Variants in PCDHGA8 observed in about 807,000 individuals in gnomAD.
PCDHGA8 encodes the protein protocadherin gamma subfamily A, 8.
PCDHGA8 carries 45 observed loss-of-function variants against 59.2 expected under a neutral mutation model. The observed-to-expected ratio is 0.76, with a 90% CI of 0.60 to 0.98. PCDHGA8 has a LOEUF of 0.98. Among genes scored for constraint, PCDHGA8 ranks in the 50% least tolerant of loss-of-function variants. The pLI is 0.00. For missense variants in PCDHGA8, 1,257 were observed against 1,196.2 expected, an observed-to-expected ratio of 1.05 and a Z score of -0.75; for synonymous variants, 531 against 519.0, an observed-to-expected ratio of 1.02 and a Z score of -0.32.
In PCDHGA8 at chr5:141,491,607, T is replaced by G; in HGVS notation, c.2425-3200T>G. On this transcript the variant is annotated intron_variant, in intron 1 of 3. Coordinates refer to ENST00000398604, the MANE Select transcript of PCDHGA8 (RefSeq NM_032088.2). The surrounding 1 kb of genome is among the most constrained non-coding windows in gnomAD (Gnocchi z 6.9). ...CCTCGGACGGCAGTGACTTCACTTT[T>G]CTAAGACCCCTCAGCGTTCAGCAGC... 6.2e-7 allele frequency: 1 copy of G among 1,613,932 alleles called. No homozygotes were observed. The highest frequency in any genetic ancestry group is 1.1e-5 in the South Asian group (1 of 91,084).
chr5:141,408,277 C>T (rs367948897), intron 1 of PCDHGA8: 2 of 1,611,980 alleles, frequency 1.2e-6, no homozygotes, highest in African/African-American at 1.3e-5. Context: ...TGCCTTTGTT[C>T]TACCCCACCC....
intron 1 of PCDHGA8, chr5:141,423,755 G>T (rs1236551808): frequency 9.8e-6 from 5 of 512,508 alleles, no homozygotes; most frequent in Non-Finnish European, 1.3e-5. Flanking sequence ...CTGTTTGGGG[G>T]GGGGGTGGGG....
Position 141,447,603 on chromosome 5 carries a change from T to G in PCDHGA8, c.2425-47204T>G, listed in dbSNP as rs146950525. On this transcript the variant is annotated intron_variant, in intron 1 of 3. Transcript: ENST00000398604. ...ATACCTTAAACATCCTATAGAGTCC[T>G]TAGCATTTTAAAGTTGAAACCAACA... Among the ~76,000 whole-genome samples, 378 of 152,270 alleles carry G rather than the reference T, an allele frequency of 2.5e-3. 1 individual carries two copies. Among genetic ancestry groups the G allele is most frequent in the Non-Finnish European group, 4.5e-3 (309 of 68,030 alleles).
rs757157488 is a variant in PCDHGA8 at position 141,477,668 on chromosome 5, A to G, written c.2425-17139A>G. ...TTTCACAATAAATCGTGACAATGGC[A>G]TAGTGTCATCCTTAGTGCCCCTAGA... On this transcript the variant is annotated intron_variant, in intron 1 of 3. Coordinates refer to ENST00000398604, the MANE Select transcript of PCDHGA8 (RefSeq NM_032088.2). The surrounding 1 kb of genome is among the most constrained non-coding windows in gnomAD (Gnocchi z 4.9). 10 of 1,614,104 alleles carry G rather than the reference A, an allele frequency of 6.2e-6. No individual in the cohort carries two copies. Among genetic ancestry groups the G allele is most frequent in the Non-Finnish European group, 8.5e-6 (10 of 1,180,046 alleles).
In PCDHGA8 at chr5:141,491,721, C is replaced by T. The variant is rs761584159; in HGVS notation, c.2425-3086C>T. On this transcript the variant is annotated intron_variant, in intron 1 of 3. Transcript: ENST00000398604. The surrounding 1 kb of genome is among the most constrained non-coding windows in gnomAD (Gnocchi z 6.9). The stretch of plus-strand genomic sequence containing the variant: ...GCCAGGTGAGGGGCTCGGCGCCGCC[C>T]CGGGCGACCCCTGGGGGCGGCACTG... 3 of 1,607,250 alleles carry T rather than the reference C, an allele frequency of 1.9e-6. No homozygotes were observed. Among genetic ancestry groups the T allele is most frequent in the Admixed American group, 1.7e-5 (1 of 58,860 alleles).
Position 141,421,984 on chromosome 5 carries a change from C to G in PCDHGA8, c.2424+26747C>G, listed in dbSNP as rs201871921. On this transcript the variant is annotated intron_variant, in intron 1 of 3. Transcript: ENST00000398604. ...ACAGTCCGTATATCGCGTGAGTGTT[C>G]CAGAAAACATCAGCTCCGGAACTCG... 21 of 1,608,770 alleles carry G rather than the reference C, an allele frequency of 1.3e-5. No homozygotes were observed. In the Admixed American group the frequency reaches 2.4e-4, roughly 18 times the overall value.
chr5:141,481,781 G>A (rs957054361), intron 1 of PCDHGA8, among the ~76,000 whole-genome samples: 3 of 151,998 alleles, frequency 2.0e-5, no homozygotes, highest in Admixed American at 6.6e-5. Context: ...GTGAAACCCC[G>A]TCTCTACTAA....
rs758540898 is a variant in PCDHGA8 at position 141,400,450 on chromosome 5, A to G, written c.2424+5213A>G. The G allele has an allele frequency of 3.7e-6, 6 of 1,613,982 alleles. No homozygotes were observed. The African/African-American group carries it at 5.3e-5, about 14-fold the overall frequency. ...TGAGCAATTGAGTTCAGGACAAGAC[A>G]TACTTTGTGGTGATTCATCTGGGGC... On this transcript the variant is annotated intron_variant, in intron 1 of 3. Transcript: ENST00000398604.
In PCDHGA8 at chr5:141,419,638, C is replaced by T. The variant is rs191182165; in HGVS notation, c.2424+24401C>T. On this transcript the variant is annotated intron_variant, in intron 1 of 3. Coordinates refer to ENST00000398604, the MANE Select transcript of PCDHGA8 (RefSeq NM_032088.2). Reference sequence around the variant, plus strand: ...GCTACCTGGTGACCAAGGTGGTGGCCGTGGACGCGGACTCGGGGCACAATG... The same window carrying T: ...GCTACCTGGTGACCAAGGTGGTGGCTGTGGACGCGGACTCGGGGCACAATG... The T allele has an allele frequency of 4.9e-3, 7,979 of 1,612,456 alleles. 44 individuals are homozygous for T. Among genetic ancestry groups the T allele is most frequent in the Admixed American group, 9.5e-3 (568 of 60,000 alleles).
chr5:141,398,189 T>G (rs926901002), intron 1 of PCDHGA8: 3 of 1,482,238 alleles, frequency 2.0e-6, no homozygotes, highest in Middle Eastern at 2.3e-4. Context: ...TTTCTCTTCC[T>G]GCTGTCTTTG....
intron 1 of PCDHGA8, chr5:141,402,792 A>G (rs947158745): frequency 1.4e-5 from 14 of 1,008,956 alleles, no homozygotes; most frequent in Admixed American, 3.1e-5. Flanking sequence ...CTGCGGCTAC[A>G]CAAAACCCGG....
chr5:141,408,158 T>G lies in PCDHGA8; in HGVS notation c.2424+12921T>G, dbSNP rs1190245850. On this transcript the variant is annotated intron_variant, in intron 1 of 3. Coordinates refer to ENST00000398604, the MANE Select transcript of PCDHGA8 (RefSeq NM_032088.2). ...TCTTTTAGCGCGGTAGAGTGCACTTTCTCCAACTGGAAAAGCGGGGACCCA... is the reference window on the plus strand; with the variant it reads ...TCTTTTAGCGCGGTAGAGTGCACTTGCTCCAACTGGAAAAGCGGGGACCCA... The G allele has an allele frequency of 2.0e-6, 3 of 1,515,140 alleles. No individual in the cohort carries two copies. In the Admixed American group the frequency reaches 6.4e-5, roughly 32 times the overall value. The allele number at this position is 1,515,140 out of a possible 1,614,324, so 93.9% of individuals were successfully genotyped here.
At chr5:141,403,390 G>A in intron 1 of PCDHGA8, 1 of 1,614,038 alleles carries the variant, frequency 6.2e-7, no homozygotes, top group Non-Finnish European at 8.5e-7. Context: ...ACGAAATCGC[G>A]GTTCCTGGAG....
intron 1 of PCDHGA8, among the ~76,000 whole-genome samples, chr5:141,456,917 C>G (rs1005360691): frequency 2.6e-5 from 4 of 152,032 alleles, no homozygotes; most frequent in Non-Finnish European, 5.9e-5. Context: ...GAGCCGAGAT[C>G]GCACCACTGC....
intron 1 of PCDHGA8, chr5:141,478,214 C>T (rs1258200424): frequency 6.2e-7 from 1 of 1,614,140 alleles, no homozygotes; most frequent in Admixed American, 1.7e-5. Flanking sequence ...TTCTCTAATC[C>T]TGGTTTCTGT....
At chr5:141,443,113 T>C (rs2098364390) in intron 1 of PCDHGA8, among the ~76,000 whole-genome samples, 1 of 152,040 alleles carries the variant, frequency 6.6e-6, no homozygotes, top group African/African-American at 2.4e-5. Flanking sequence ...ACCTTGCTTT[T>C]CAAACCAGAT....
At position 141,431,435 on chromosome 5, in the gene PCDHGA8, G is replaced by A. The variant is rs376827063; in HGVS notation, c.2424+36198G>A. ...GGGCGACCCGGTGCGCACAGGCACC[G>A]CGCGCATCCGCGTGATGGTTCTGGA... On this transcript the variant is annotated intron_variant, in intron 1 of 3. Coordinates refer to ENST00000398604, the MANE Select transcript of PCDHGA8 (RefSeq NM_032088.2). The surrounding 1 kb of genome is among the most constrained non-coding windows in gnomAD (Gnocchi z 4.8). 2.5e-6 allele frequency: 4 copies of A among 1,613,550 alleles called. No homozygotes were observed. Among genetic ancestry groups the A allele is most frequent in the Non-Finnish European group, 3.4e-6 (4 of 1,180,034 alleles).
intron 1 of PCDHGA8, chr5:141,478,106 G>T: frequency 6.2e-7 from 1 of 1,614,046 alleles, no homozygotes; most frequent in Non-Finnish European, 8.5e-7. Flanking sequence ...TACCCTCACT[G>T]TGTCAGTAAC....
At chr5:141,410,362 C>A (rs1270552318) in intron 1 of PCDHGA8, 13 of 1,613,954 alleles carry the variant, frequency 8.1e-6, no homozygotes, top group Non-Finnish European at 1.0e-5. Context: ...GCTCTCTCAG[C>A]CCTGCTACTT....
Sources: allele counts gnomAD v4.1 joint callset (sites outside exome capture counted in the v4.1 genomes callset), GRCh38; gene constraint gnomAD v4.1.1; non-coding constraint Gnocchi (gnomAD v3.1); transcripts MANE v1.5; gene names NCBI Gene and HGNC (gene_info 2026-07-23, HGNC 2026-07-21).